ACSM3: variants seen among roughly 807,000 people sequenced by gnomAD.
ACSM3 encodes the protein acyl-CoA synthetase medium chain family member 3.
In ACSM3, 61 loss-of-function variants were observed where a neutral mutation model predicts 74.1. The ratio of observed to expected loss-of-function variants is 0.82; its 90% CI spans 0.67 to 1.02. The LOEUF (loss-of-function observed/expected upper bound fraction) is 1.02. Among genes scored for constraint, ACSM3 ranks in the 50% least tolerant of loss-of-function variants. ACSM3 has a pLI of 0.00. For missense variants in ACSM3, 660 were observed against 697.0 expected, an observed-to-expected ratio of 0.95 and a Z score of 0.60; for synonymous variants, 213 against 241.5, an observed-to-expected ratio of 0.88 and a Z score of 1.09.
At chr16:20,682,521 G>A in intron 1 of ACSM3, 1 of 1,434,764 alleles carries the variant, frequency 7.0e-7, no homozygotes, top group Non-Finnish European at 9.8e-7. Context: ...ATGGGCTTTA[G>A]ACTTGGCTTG....
At chr16:20,713,063 A>G (rs975767498) in intron 1 of ACSM3, among the ~76,000 whole-genome samples, 1 of 152,234 alleles carries the variant, frequency 6.6e-6, no homozygotes, top group African/African-American at 2.4e-5. Flanking sequence ...TTCTTTCCCA[A>G]GGGCCACATC....
intron 1 of ACSM3, among the ~76,000 whole-genome samples, chr16:20,683,329 G>C (rs1348136452): frequency 2.0e-5 from 3 of 151,806 alleles, no homozygotes; most frequent in South Asian, 2.1e-4. Flanking sequence ...GTTTTCACCA[G>C]GTTGGCCAGG....
intron 1 of ACSM3, chr16:20,681,711 A>C (rs1213313379): frequency 1.3e-5 from 2 of 153,978 alleles, no homozygotes; most frequent in African/African-American, 2.4e-5. Context: ...AAAAAGCAAC[A>C]AAGGGGGGAA....
intron 10 of ACSM3, among the ~76,000 whole-genome samples, chr16:20,791,557 T>C (rs1280099905): frequency 1.3e-5 from 2 of 152,242 alleles, no homozygotes; most frequent in African/African-American, 2.4e-5. Flanking sequence ...TTCATCTTTA[T>C]TTTCACAATC....
intron 1 of ACSM3, among the ~76,000 whole-genome samples, chr16:20,713,411 G>C (rs1325791505): frequency 6.6e-6 from 1 of 151,894 alleles, no homozygotes; most frequent in African/African-American, 2.4e-5. Flanking sequence ...CCCCATACAT[G>C]TATTTATTTA....
At position 20,777,267 on chromosome 16, in the gene ACSM3, C is replaced by A. The variant is rs113476421; in HGVS notation, c.431-106C>A. 3,169 of 1,057,280 alleles carry A rather than the reference C, an allele frequency of 3.0e-3. 75 individuals carry two copies. In the African/African-American group the frequency reaches 0.045, roughly 15 times the overall value. The allele number at this position is 1,057,280 out of a possible 1,614,324, so 65.5% of individuals were successfully genotyped here. A position where few individuals can be genotyped will look rare whatever the true frequency, so the allele number is the denominator to read the frequency against. On this transcript the variant is annotated intron_variant, in intron 3 of 13. Transcript: ENST00000289416. ...AATAGATATCTTCCTGGTAAACTGACTAACTCACTCTGAGAAATACAGAAT... is the reference window on the plus strand; with the variant it reads ...AATAGATATCTTCCTGGTAAACTGAATAACTCACTCTGAGAAATACAGAAT...
At chr16:20,729,238 A>G in intron 1 of ACSM3, 4 of 957,184 alleles carry the variant, frequency 4.2e-6, no homozygotes, top group Non-Finnish European at 6.8e-6. Flanking sequence ...AGGACAGTCC[A>G]GAGAAAACTG....
chr16:20,712,494 G>T (rs1050887563), intron 1 of ACSM3, among the ~76,000 whole-genome samples: 1 of 152,042 alleles, frequency 6.6e-6, no homozygotes, highest in Non-Finnish European at 1.5e-5. Flanking sequence ...ATCTCTTGTT[G>T]TTTTGAGGAT....
chr16:20,769,780 T>C (rs1475060554), intron 1 of ACSM3, among the ~76,000 whole-genome samples: 1 of 152,182 alleles, frequency 6.6e-6, no homozygotes, highest in Non-Finnish European at 1.5e-5. Flanking sequence ...GAGATGATAA[T>C]AGTACCCACT....
intron 1 of ACSM3, among the ~76,000 whole-genome samples, chr16:20,731,157 C>A (rs1433012277): frequency 2.0e-5 from 3 of 152,210 alleles, no homozygotes; most frequent in African/African-American, 7.2e-5. Context: ...TAAGCCACTA[C>A]ACTCAGCCCC....
intron 3 of ACSM3, among the ~76,000 whole-genome samples, chr16:20,758,031 G>T (rs1298286369): frequency 6.6e-6 from 1 of 151,988 alleles, no homozygotes; most frequent in Non-Finnish European, 1.5e-5. Context: ...GCTGGATTCG[G>T]TTTGCCAGTA....
chr16:20,796,842 G>A (rs376293834), intron 13 of ACSM3, 44 bp from the exon 14 acceptor site: 2 of 1,605,646 alleles, frequency 1.2e-6, no homozygotes, highest in African/African-American at 2.7e-5. Flanking sequence ...TTTATGTAAA[G>A]ATAAAAATTT....
chr16:20,749,094 T>G (rs894670184), intron 1 of ACSM3, among the ~76,000 whole-genome samples: 2 of 151,974 alleles, frequency 1.3e-5, no homozygotes, highest in Non-Finnish European at 2.9e-5. Context: ...ATTTTCAAAG[T>G]GAGATATGTG....
At chr16:20,688,922 T>G (rs554645093) in intron 1 of ACSM3, among the ~76,000 whole-genome samples, 31 of 150,246 alleles carry the variant, frequency 2.1e-4, no homozygotes, top group Middle Eastern at 7.0e-3. Flanking sequence ...TTACAGTATT[T>G]AAAAAACAAA....
At chr16:20,783,363 C>G (rs1225802072) in intron 7 of ACSM3, 1 of 152,150 alleles carries the variant, frequency 6.6e-6, no homozygotes, top group African/African-American at 2.4e-5. Flanking sequence ...ATGCTTGAGA[C>G]CAGAAGTCTT....
chr16:20,711,426 C>G, intron 1 of ACSM3: 1 of 808,844 alleles, frequency 1.2e-6, no homozygotes, highest in Non-Finnish European at 1.9e-6. Context: ...CCACCGTCCA[C>G]AGAGTCTCAC....
rs2080570552 is a variant in ACSM3 at position 20,790,396 on chromosome 16, G to T, written c.1225-191G>T. The stretch of plus-strand genomic sequence containing the variant: ...GACCAGAAGTTTGACGCTGCAGTGA[G>T]CTATGAGCTATGATTGCACCACTGC... On this transcript the variant is annotated intron_variant, in intron 9 of 13. Transcript: ENST00000289416. This position sits in a 1 kb window ranked among gnomAD's most constrained non-coding sequence, Gnocchi z 4.0. 6.6e-6 allele frequency among the ~76,000 whole-genome samples: 1 copy of T among 152,234 alleles called. No individual in the cohort carries two copies. Among genetic ancestry groups the T allele is most frequent in the Non-Finnish European group, 1.5e-5 (1 of 68,048 alleles).
At chr16:20,745,909 T>TTAG (rs1340520945) in intron 1 of ACSM3, among the ~76,000 whole-genome samples, 1 of 152,232 alleles carries the variant, frequency 6.6e-6, no homozygotes, top group East Asian at 1.9e-4. Context: ...TAGTCTCTTG[T>TTAG]TACCCAGCAT....
intron 1 of ACSM3, among the ~76,000 whole-genome samples, chr16:20,702,535 T>C (rs2079716468): frequency 6.6e-6 from 1 of 152,228 alleles, no homozygotes; most frequent in Admixed American, 6.5e-5. Flanking sequence ...CTCATTGTGA[T>C]TTTGATTTGC....
Sources: allele counts gnomAD v4.1 joint callset (sites outside exome capture counted in the v4.1 genomes callset), GRCh38; gene constraint gnomAD v4.1.1; non-coding constraint Gnocchi (gnomAD v3.1); transcripts MANE v1.5; gene names NCBI Gene and HGNC (gene_info 2026-07-23, HGNC 2026-07-21).